The following RNF169 variants were observed in gnomAD, a reference collection of about 807,000 sequenced individuals.
The protein encoded by RNF169 is ring finger protein 169.
Under a neutral mutation model 53.9 loss-of-function variants are expected in RNF169, and 24 were observed. That is an observed-to-expected ratio of 0.45 (90% CI 0.32 to 0.63). The LOEUF is 0.63. RNF169 is among the 20% of genes least tolerant of loss of function. The pLI is 0.04. For missense variants in RNF169, 883 were observed against 906.2 expected (o/e 0.97, Z 0.33); for synonymous variants, 396 against 363.5 (o/e 1.09, Z -1.02).
At chr11:74,800,185 A>C (rs1025663633) in intron 2 of RNF169, among the ~76,000 whole-genome samples, 1 of 152,062 alleles carries the variant, frequency 6.6e-6, no homozygotes, top group African/African-American at 2.4e-5. Flanking sequence ...CTCTAGCCAA[A>C]TTTGTTTAAA....
intron 2 of RNF169, among the ~76,000 whole-genome samples, chr11:74,798,061 G>A (rs1591412255): frequency 6.6e-6 from 1 of 152,194 alleles, no homozygotes; most frequent in African/African-American, 2.4e-5. Flanking sequence ...CGAGGAGGAT[G>A]TATGTCGCCT....
At chr11:74,766,464 G>A (rs547003422) in intron 1 of RNF169, among the ~76,000 whole-genome samples, 4 of 152,138 alleles carry the variant, frequency 2.6e-5, no homozygotes, top group South Asian at 2.1e-4. Context: ...TTTGAATGCC[G>A]GCTGGATATT....
At chr11:74,834,413 A>C (rs1286689699) in intron 4 of RNF169, among the ~76,000 whole-genome samples, 1 of 152,240 alleles carries the variant, frequency 6.6e-6, no homozygotes, top group Non-Finnish European at 1.5e-5. Flanking sequence ...TGTTCAAAAT[A>C]GCCACTGGTT....
At chr11:74,829,614 C>T (rs1248522126) in intron 4 of RNF169, among the ~76,000 whole-genome samples, 7 of 151,938 alleles carry the variant, frequency 4.6e-5, no homozygotes, top group South Asian at 2.1e-4. Context: ...AGTGATAGAC[C>T]GAATAAAGAA....
chr11:74,792,529 G>T (rs1002362034), intron 2 of RNF169, among the ~76,000 whole-genome samples: 1 of 152,106 alleles, frequency 6.6e-6, no homozygotes, highest in Non-Finnish European at 1.5e-5. Context: ...AGCCTCCCAA[G>T]TAGCTGGGAC....
chr11:74,824,005 G>C (rs929555206), intron 4 of RNF169, among the ~76,000 whole-genome samples: 2 of 151,964 alleles, frequency 1.3e-5, no homozygotes, highest in South Asian at 2.1e-4. Context: ...AAAATATGAG[G>C]CATAAGAAAC....
intron 1 of RNF169, among the ~76,000 whole-genome samples, chr11:74,754,693 C>T (rs2034953433): frequency 2.0e-5 from 3 of 152,156 alleles, no homozygotes; most frequent in Middle Eastern, 3.4e-3. Context: ...TGGTGGTGCA[C>T]GCTTATAGTC....
At chr11:74,788,114 C>T (rs1591405887) in intron 1 of RNF169, among the ~76,000 whole-genome samples, 2 of 152,074 alleles carry the variant, frequency 1.3e-5, no homozygotes, top group African/African-American at 2.4e-5. Flanking sequence ...CCAAAATTAC[C>T]ACCTTGGTAG....
intron 2 of RNF169, among the ~76,000 whole-genome samples, chr11:74,809,859 T>C (rs1420696271): frequency 6.6e-6 from 1 of 152,246 alleles, no homozygotes; most frequent in East Asian, 1.9e-4. Flanking sequence ...ATCTGGCTTA[T>C]GGGAATAAGG....
intron 3 of RNF169, among the ~76,000 whole-genome samples, chr11:74,812,628 A>T (rs1016616032): frequency 1.3e-5 from 2 of 151,818 alleles, no homozygotes; most frequent in South Asian, 2.1e-4. Flanking sequence ...ATTTTGGAGG[A>T]CTTTTAAATG....
intron 1 of RNF169, among the ~76,000 whole-genome samples, chr11:74,758,370 G>C (rs368764533): frequency 2.0e-5 from 3 of 146,570 alleles, no homozygotes; most frequent in South Asian, 4.3e-4. Flanking sequence ...CTCTGTTTTG[G>C]TACCAGTACC....
chr11:74,782,027 A>C (rs564605526), intron 1 of RNF169, among the ~76,000 whole-genome samples: 1 of 152,294 alleles, frequency 6.6e-6, no homozygotes, highest in African/African-American at 2.4e-5. Flanking sequence ...TTAGCCTTTT[A>C]TTATATGTGT....
intron 5 of RNF169, among the ~76,000 whole-genome samples, chr11:74,835,185 A>G (rs570777031): frequency 5.8e-4 from 89 of 152,214 alleles, no homozygotes; most frequent in African/African-American, 2.0e-3. Flanking sequence ...GGATCTTGCT[A>G]TGTTTTCCAG....
chr11:74,835,903 T>A lies in RNF169; in HGVS notation c.1300T>A (p.Trp434Arg). 6.2e-7 allele frequency: 1 copy of A among 1,614,050 alleles called. No homozygotes were observed. ...GGCCAGTCCACGGATCCTCAAAAAG[T>A]GGGAACAGATCTTTCAGGAGCGGCA... Reference protein sequence around the residue: ...YEASPRILKKWEQIFQERQIK... With the variant: ...YEASPRILKKREQIFQERQIK... The change falls in exon 6 of 6, where the codon TGG (tryptophan) becomes AGG (arginine). Residue 434 changes from tryptophan to arginine, a missense_variant. Coordinates refer to ENST00000299563, the MANE Select transcript of RNF169 (RefSeq NM_001098638.2).
intron 2 of RNF169, chr11:74,808,234 A>G (rs2035830831): frequency 6.6e-6 from 1 of 152,224 alleles, no homozygotes; most frequent in Admixed American, 6.5e-5. Context: ...TGGAGGCAGA[A>G]GGATACATTC....
At chr11:74,829,560 C>A (rs1266925782) in intron 4 of RNF169, among the ~76,000 whole-genome samples, 1 of 152,196 alleles carries the variant, frequency 6.6e-6, no homozygotes, top group Non-Finnish European at 1.5e-5. Context: ...CATTGCAGCA[C>A]TGTTCACAAT....
At chr11:74,820,457 A>G (rs1282346447) in intron 4 of RNF169, among the ~76,000 whole-genome samples, 1 of 152,094 alleles carries the variant, frequency 6.6e-6, no homozygotes, top group Non-Finnish European at 1.5e-5. Context: ...GCATGAAAAG[A>G]AAGGGGGTGG....
chr11:74,825,137 A>T (rs1313598567), intron 4 of RNF169, among the ~76,000 whole-genome samples: 1 of 151,762 alleles, frequency 6.6e-6, no homozygotes, highest in African/African-American at 2.4e-5. Flanking sequence ...TGATAAAAGG[A>T]TCAACTCAAC....
rs747808343 is a variant in RNF169, at chr11:74,839,243, T to C, written c.*2513T>C. ...CTGCTGAGCAACAGTCCTTCAAATA[T>C]AGGTAGAGTGGTCTAGGTTAAGGAG... On this transcript the variant is annotated 3_prime_UTR_variant, in exon 6 of 6. Transcript: ENST00000299563. 6 of 152,158 alleles carry C rather than the reference T, an allele frequency of 3.9e-5. No individual in the cohort carries two copies. Among genetic ancestry groups the C allele is most frequent in the Admixed American group, 2.0e-4 (3 of 15,274 alleles). The allele number at this position is 152,158 out of a possible 1,614,324, so 9.4% of individuals were successfully genotyped here.
Sources: gnomAD v4.1 joint callset for allele counts (sites outside exome capture counted in the v4.1 genomes callset) on GRCh38, gnomAD v4.1.1 for gene constraint, MANE v1.5 for transcripts, NCBI Gene and HGNC (gene_info 2026-07-23, HGNC 2026-07-21) for gene names.